Variants in CLSTN2 observed in about 807,000 individuals in gnomAD.
CLSTN2 encodes the protein calsyntenin 2, also known as calsyntenin-2.
CLSTN2 carries 48 observed loss-of-function variants against 101.2 expected under a neutral mutation model. The observed-to-expected ratio is 0.47, with a 90% confidence interval of 0.38 to 0.60. The LOEUF is 0.60. CLSTN2 is among the 20% of genes least tolerant of loss of function. The probability of loss-of-function intolerance (pLI) is 0.00; values close to 1 mark genes in which losing one functional copy is unlikely to be tolerated. For synonymous variants in CLSTN2, 481 were observed against 463.6 expected, an observed-to-expected ratio of 1.04 and a Z score of -0.48; for missense variants, 1,160 against 1,238.2, an observed-to-expected ratio of 0.94 and a Z score of 0.95.
chr3:140,016,793 G>GAAAAAAAAAAAAAA (rs56040791), intron 1 of CLSTN2, among the ~76,000 whole-genome samples: 5 of 89,284 alleles, frequency 5.6e-5, no homozygotes, highest in Non-Finnish European at 1.0e-4. Context: ...GTGAGACTCT[G>GAAAAAAAAAAAAAA]AAAAAAAAAA....
intron 9 of CLSTN2, among the ~76,000 whole-genome samples, chr3:140,541,294 A>C (rs532715537): frequency 6.6e-6 from 1 of 152,330 alleles, no homozygotes; most frequent in South Asian, 2.1e-4. Context: ...CTCAATACAC[A>C]AATTTAAAAA....
intron 2 of CLSTN2, among the ~76,000 whole-genome samples, chr3:140,285,748 G>A (rs1243273962): frequency 6.6e-6 from 1 of 152,172 alleles, no homozygotes; most frequent in Non-Finnish European, 1.5e-5. Context: ...GAATTTCTGG[G>A]CTAAAATAAA....
At chr3:140,455,874 C>T (rs989492797) in intron 6 of CLSTN2, among the ~76,000 whole-genome samples, 9 of 152,224 alleles carry the variant, frequency 5.9e-5, no homozygotes, top group Non-Finnish European at 2.9e-5. Flanking sequence ...TTAAATGCAG[C>T]TTGATGGTTT....
chr3:140,511,052 C>T (rs1377876774), intron 8 of CLSTN2, among the ~76,000 whole-genome samples: 1 of 152,142 alleles, frequency 6.6e-6, no homozygotes, highest in African/African-American at 2.4e-5. Context: ...TGCTGTTCCC[C>T]CCACCATGTG....
intron 1 of CLSTN2, among the ~76,000 whole-genome samples, chr3:140,152,698 G>A (rs2009886647): frequency 1.3e-5 from 2 of 152,092 alleles, no homozygotes; most frequent in African/African-American, 4.8e-5. Context: ...GATTTCCAGT[G>A]GGAATAAAGC....
chr3:140,444,092 A>G (rs1050123343), intron 5 of CLSTN2, among the ~76,000 whole-genome samples: 1 of 152,174 alleles, frequency 6.6e-6, no homozygotes, highest in African/African-American at 2.4e-5. Flanking sequence ...TTAAACATGA[A>G]TCTGTAAAAA....
chr3:140,473,590 C>T (rs1933903315), intron 8 of CLSTN2, among the ~76,000 whole-genome samples: 1 of 152,106 alleles, frequency 6.6e-6, no homozygotes, highest in African/African-American at 2.4e-5. Context: ...ATGCAGCAGC[C>T]TCTAGAAACT....
chr3:139,988,877 T>C (rs58528760), intron 1 of CLSTN2, among the ~76,000 whole-genome samples: 6,273 of 152,282 alleles, frequency 0.041, 143 homozygotes, highest in Non-Finnish European at 0.051. Context: ...TGGCTTATAA[T>C]GCAGATGGAT....
rs1985713685 is a variant in CLSTN2 at position 140,575,798 on chromosome 3, ATATG to A, written c.*9547_*9550del. On this transcript the variant is annotated 3_prime_UTR_variant, in exon 17 of 17. Coordinates refer to ENST00000458420, the MANE Select transcript of CLSTN2 (RefSeq NM_022131.3). ...GTAGGCTATGGACAGCTGATTATATATATGTGTGTGTGTGTATATGTGTGCATAT... is the reference window on the plus strand; with the variant it reads ...GTAGGCTATGGACAGCTGATTATATATGTGTGTGTGTATATGTGTGCATAT... 1 of 152,166 alleles carries A rather than the reference ATATG, an allele frequency of 6.6e-6. No individual in the cohort carries two copies. The highest frequency in any genetic ancestry group is 2.1e-4 in the South Asian group (1 of 4,832). The allele number at this position is 152,166 out of a possible 1,614,324, so 9.4% of individuals were successfully genotyped here.
chr3:140,172,533 T>C (rs541511333), intron 1 of CLSTN2, among the ~76,000 whole-genome samples: 6 of 152,216 alleles, frequency 3.9e-5, no homozygotes, highest in Non-Finnish European at 7.3e-5. Flanking sequence ...CCTGCTGATA[T>C]AAGTATACTG....
chr3:140,237,408 T>C (rs2086427360), intron 2 of CLSTN2, among the ~76,000 whole-genome samples: 1 of 152,196 alleles, frequency 6.6e-6, no homozygotes, highest in South Asian at 2.1e-4. Context: ...TCAGCCTTGG[T>C]AGTTTTCTCA....
chr3:140,400,386 G>A (rs1438162322), intron 2 of CLSTN2, among the ~76,000 whole-genome samples: 1 of 152,132 alleles, frequency 6.6e-6, no homozygotes, highest in African/African-American at 2.4e-5. Context: ...TCACAAAACA[G>A]AGGTTCAAAG....
At position 140,531,408 on chromosome 3, in the gene CLSTN2, T is replaced by A. The variant is rs139179622; in HGVS notation, c.1345-916T>A. Among the ~76,000 whole-genome samples, 167 of 152,344 alleles carry A rather than the reference T, an allele frequency of 1.1e-3. 2 individuals are homozygous for A. The highest frequency in any genetic ancestry group is 4.0e-3 in the African/African-American group (165 of 41,582). On this transcript the variant is annotated intron_variant, in intron 8 of 16. Transcript: ENST00000458420. ...TTATCTGTTCATGAGAAACAGCATATTTAATCAAGCATGGAATTGTAGGGA... is the reference window on the plus strand; with the variant it reads ...TTATCTGTTCATGAGAAACAGCATAATTAATCAAGCATGGAATTGTAGGGA...
intron 8 of CLSTN2, among the ~76,000 whole-genome samples, chr3:140,498,389 C>T (rs1934510176): frequency 1.3e-5 from 2 of 152,102 alleles, no homozygotes; most frequent in Admixed American, 6.5e-5. Context: ...TTTGGGAAGG[C>T]CATCCCTGGG....
chr3:140,503,890 C>A (rs1241444147), intron 8 of CLSTN2, among the ~76,000 whole-genome samples: 2 of 152,162 alleles, frequency 1.3e-5, no homozygotes, highest in Non-Finnish European at 2.9e-5. Flanking sequence ...TCCAAGGGGG[C>A]TCCTTAGGAA....
intron 2 of CLSTN2, among the ~76,000 whole-genome samples, chr3:140,315,474 T>C (rs564480371): frequency 6.6e-6 from 1 of 152,380 alleles, no homozygotes. Context: ...TTGTATTTGC[T>C]ATTTTAATTA....
At chr3:140,060,486 A>G (rs1458162920) in intron 1 of CLSTN2, among the ~76,000 whole-genome samples, 1 of 152,132 alleles carries the variant, frequency 6.6e-6, no homozygotes, top group African/African-American at 2.4e-5. Context: ...GGTAAGTGAA[A>G]TGTGTAGATT....
At chr3:140,113,523 A>G (rs545201429) in intron 1 of CLSTN2, among the ~76,000 whole-genome samples, 3 of 152,322 alleles carry the variant, frequency 2.0e-5, no homozygotes, top group Middle Eastern at 3.4e-3. Context: ...GGCACCAACT[A>G]CATTCCTTTC....
At chr3:140,514,006 T>C (rs545288919) in intron 8 of CLSTN2, among the ~76,000 whole-genome samples, 2 of 152,122 alleles carry the variant, frequency 1.3e-5, no homozygotes, top group Non-Finnish European at 2.9e-5. Context: ...TTAGTCAAGA[T>C]AGCAGTCTAT....
Sources: allele counts gnomAD v4.1 joint callset (sites outside exome capture counted in the v4.1 genomes callset), GRCh38; gene constraint gnomAD v4.1.1; transcripts MANE v1.5; gene names NCBI Gene and HGNC (gene_info 2026-07-23, HGNC 2026-07-21).